Variants in KLK15 observed in about 807,000 individuals in gnomAD.
KLK15 encodes the protein kallikrein related peptidase 15.
KLK15 carries 19 observed loss-of-function variants against 21.1 expected under a neutral mutation model. That is an observed-to-expected ratio of 0.90 (90% confidence interval 0.63 to 1.32). KLK15 has a LOEUF of 1.32. Among genes scored for constraint, KLK15 ranks in the 40% most tolerant of loss-of-function variants. The pLI, the probability that KLK15 is intolerant of heterozygous loss-of-function variation, is 0.00. For missense variants in KLK15, 345 were observed against 348.6 expected (o/e 0.99, Z 0.08); for synonymous variants, 141 against 141.5 (o/e 1.00, Z 0.03).
At chr19:50,827,724 A>T in exon 2 of KLK15, 1 of 1,611,334 alleles carries the variant, frequency 6.2e-7, no homozygotes, top group Non-Finnish European at 8.5e-7. Context: ...CGCCACAGTT[A>T]AAGCGTCCAC....
chr19:50,826,747 T>G, exon 4 of KLK15: 5 of 1,611,758 alleles, frequency 3.1e-6, no homozygotes, highest in Non-Finnish European at 4.2e-6. Context: ...GCAACGTATC[T>G]GGGAGACTCA....
chr19:50,826,452 TAACCCCA>T (rs2089880158), intron 4 of KLK15, 162 bp downstream of exon 5: 1 of 717,210 alleles, frequency 1.4e-6, no homozygotes, highest in Admixed American at 3.4e-5. Context: ...TCCCCACCTA[TAACCCCA>T]ACTCCAACCT....
At chr19:50,829,055 T>TAC (rs1226551292) in intron 1 of KLK15, among the ~76,000 whole-genome samples, 26 of 91,866 alleles carry the variant, frequency 2.8e-4, no homozygotes, top group Admixed American at 2.3e-3. Flanking sequence ...CATGAATACA[T>TAC]ACACACACAC....
chr19:50,827,019 G>T (rs1253436201), exon 3 of KLK15: 2 of 1,605,970 alleles, frequency 1.2e-6, no homozygotes, highest in Non-Finnish European at 1.7e-6. Flanking sequence ...CGTGCGGGCT[G>T]GACTAGGCGC....
chr19:50,825,937 C>G (rs1255180325), exon 5 of KLK15: 1 of 1,612,404 alleles, frequency 6.2e-7, no homozygotes, highest in South Asian at 1.1e-5. Flanking sequence ...CCAGGGGTCC[C>G]CCAGAGTCAC....
chr19:50,828,458 C>T (rs928392594), intron 1 of KLK15, among the ~76,000 whole-genome samples: 18 of 151,768 alleles, frequency 1.2e-4, no homozygotes, highest in Admixed American at 7.2e-4. Context: ...TTGTCACAGA[C>T]GTCAAACGCA....
intron 2 of KLK15, 46 bp downstream of exon 3, chr19:50,827,616 C>G (rs780548568): frequency 6.3e-6 from 10 of 1,583,688 alleles, no homozygotes; most frequent in Non-Finnish European, 7.8e-6. Context: ...GGAGCTCTTC[C>G]CCCCGAACCA....
Position 50,826,613 on chromosome 19 carries a change from G to A in KLK15, c.618+8C>T, listed in dbSNP as rs760744425. 3.8e-6 allele frequency: 6 copies of A among 1,588,064 alleles called. No homozygotes were observed. Among genetic ancestry groups the A allele is most frequent in the East Asian group, 2.2e-5 (1 of 44,700 alleles). On this transcript the variant is annotated splice_region_variant and intron_variant, in intron 4 of 4. Transcript: ENST00000598239. ...TTCTTCCGCCTGATGGCCCCTCTAG[G>A]CTCTGACCTCACAGGATTCTGCGCC...
intron 1 of KLK15, among the ~76,000 whole-genome samples, chr19:50,829,769 G>A (rs1599955625): frequency 6.6e-6 from 1 of 151,724 alleles, no homozygotes; most frequent in Non-Finnish European, 1.5e-5. Context: ...GTGAGCTGAG[G>A]TTGCACCACT....
At chr19:50,826,039 A>G in intron 4 of KLK15, 91 bp from the exon 6 acceptor site, 1 of 1,274,442 alleles carries the variant, frequency 7.8e-7, no homozygotes, top group Non-Finnish European at 1.1e-6. Flanking sequence ...CCCAAACCCA[A>G]TCCATCCCCA....
In KLK15 at chr19:50,827,261, C is replaced by T. The variant is rs748714851; in HGVS notation, c.198-100G>A. 288 of 1,164,830 alleles carry T rather than the reference C, an allele frequency of 2.5e-4. 4 individuals carry two copies. The highest frequency in any genetic ancestry group is 3.3e-4 in the Non-Finnish European group (274 of 835,956). The allele number at this position is 1,164,830 out of a possible 1,614,324, so 72.2% of individuals were successfully genotyped here. A position where few individuals can be genotyped will look rare whatever the true frequency, so the allele number is the denominator to read the frequency against. ...AAAGAGTGGGCAACCCGAGGTCTCC[C>T]GACCCTTTAGAAATCTCGACATCCC... On this transcript the variant is annotated intron_variant, in intron 2 of 4. Coordinates refer to ENST00000598239, the Ensembl canonical transcript of KLK15.
At chr19:50,826,851 C>T in intron 3 of KLK15, 27 bp downstream of exon 4, 1 of 1,555,298 alleles carries the variant, frequency 6.4e-7, no homozygotes. Flanking sequence ...CTTGAGGCCT[C>T]GCATCCAGCT....
intron 1 of KLK15, among the ~76,000 whole-genome samples, chr19:50,829,849 G>T (rs1256160226): frequency 6.6e-6 from 1 of 151,414 alleles, no homozygotes; most frequent in Non-Finnish European, 1.5e-5. Flanking sequence ...AAAAGTCAAG[G>T]TTAAAACCGT....
rs8101668 is a variant in KLK15 at position 50,830,154 on chromosome 19, T to C, written c.43+1296A>G. Among the ~76,000 whole-genome samples the C allele has an allele frequency of 9.9e-3, 1,283 of 129,316 alleles. 40 individuals carry two copies. Among genetic ancestry groups the C allele is most frequent in the African/African-American group, 0.034 (1,214 of 36,024 alleles). 84.8% of individuals were successfully genotyped at this position (129,316 alleles called of 152,430 possible). A position where few individuals can be genotyped will look rare whatever the true frequency, so the allele number is the denominator to read the frequency against. ...GGGCCTTGTATACCCACTGCACACG[T>C]GCATGTACACACACACACACACACA... On this transcript the variant is annotated intron_variant, in intron 1 of 4. Transcript: ENST00000598239.
intron 1 of KLK15, among the ~76,000 whole-genome samples, chr19:50,829,944 G>C (rs797004080): frequency 2.6e-5 from 4 of 151,788 alleles, no homozygotes; most frequent in African/African-American, 9.6e-5. Context: ...TTGCTGTCTG[G>C]GGCAGCACCC....
Position 50,826,909 on chromosome 19 carries a change from CT to C in KLK15, c.449del (p.Glu150GlyfsTer12). 6.3e-7 allele frequency: 1 copy of C among 1,575,426 alleles called. No homozygotes were observed. The highest frequency in any genetic ancestry group is 8.6e-7 in the Non-Finnish European group (1 of 1,159,494). On this transcript the variant is annotated frameshift_variant, in exon 3 of 5. Coordinates refer to ENST00000598239, the Ensembl canonical transcript of KLK15. LOFTEE classifies it high-confidence loss of function. Reference sequence around the variant, plus strand: ...ACCGGGGGCTCCCAGCGGTCCCAGGCTCGTTGTGGGACACCAGGCCCCAGCC... The same window carrying C: ...ACCGGGGGCTCCCAGCGGTCCCAGGCCGTTGTGGGACACCAGGCCCCAGCC...
downstream of KLK15, chr19:50,825,438 G>A (rs940067821): frequency 9.4e-5 from 16 of 171,058 alleles, no homozygotes; most frequent in Non-Finnish European, 1.9e-4. Context: ...AAGATCACAC[G>A]GGTGGTCATG....
exon 3 of KLK15, chr19:50,826,966 G>A (rs770224157): frequency 1.9e-6 from 3 of 1,605,436 alleles, no homozygotes; most frequent in Non-Finnish European, 2.5e-6. Context: ...CCGGGTGGGG[G>A]CAACGCGTGG....
chr19:50,825,413 T>C (rs1568482307), downstream of KLK15: 1 of 163,296 alleles, frequency 6.1e-6, no homozygotes. Context: ...CGAAGTGAGA[T>C]TGGGCCTCTT....
Sources: gnomAD v4.1 joint callset for allele counts (sites outside exome capture counted in the v4.1 genomes callset) on GRCh38, gnomAD v4.1.1 for gene constraint, MANE v1.5 for transcripts, NCBI Gene and HGNC (gene_info 2026-07-23, HGNC 2026-07-21) for gene names.